The following WWOX variants were observed in gnomAD, a reference collection of about 807,000 sequenced individuals.
WWOX encodes WW domain containing oxidoreductase.
WWOX carries 69 observed loss-of-function variants against 46.2 expected under a neutral mutation model. The ratio of observed to expected loss-of-function variants is 1.49; its 90% CI spans 1.23 to 1.82. WWOX has a LOEUF of 1.82. Ranked by LOEUF, WWOX falls within the 40% of genes most tolerant of loss-of-function variation. WWOX has a pLI of 0.00. For synonymous variants in WWOX, 359 were observed against 202.6 expected (o/e 1.77, Z -6.56); for missense variants, 919 against 542.6 (o/e 1.69, Z -6.89).
chr16:78,734,479 G>A (rs936446368), intron 8 of WWOX, among the ~76,000 whole-genome samples: 17 of 152,144 alleles, frequency 1.1e-4, no homozygotes, highest in African/African-American at 4.1e-4. Context: ...CGGTCTGCGG[G>A]TTGACATTTC....
intron 8 of WWOX, among the ~76,000 whole-genome samples, chr16:78,614,079 T>G (rs1356168202): frequency 1.3e-5 from 2 of 152,204 alleles, no homozygotes; most frequent in Non-Finnish European, 2.9e-5. Flanking sequence ...CCTTGCATGT[T>G]GTGTCACCCC....
chr16:78,991,727 C>G (rs550390283), intron 8 of WWOX, among the ~76,000 whole-genome samples: 1 of 152,112 alleles, frequency 6.6e-6, no homozygotes, highest in Non-Finnish European at 1.5e-5. Flanking sequence ...AACCCCTCCT[C>G]GTGGTGATGT....
intron 8 of WWOX, among the ~76,000 whole-genome samples, chr16:78,444,733 T>C (rs1159159209): frequency 2.6e-5 from 4 of 151,976 alleles, no homozygotes; most frequent in Non-Finnish European, 5.9e-5. Flanking sequence ...GGTTTCACGG[T>C]GTTAGCCAGG....
intron 8 of WWOX, among the ~76,000 whole-genome samples, chr16:78,639,152 A>G (rs2046643891): frequency 6.6e-6 from 1 of 152,154 alleles, no homozygotes; most frequent in African/African-American, 2.4e-5. Context: ...AAAACTTGAA[A>G]CCAAAAGTCT....
At chr16:78,199,068 C>A (rs1022978045) in intron 5 of WWOX, among the ~76,000 whole-genome samples, 1 of 152,174 alleles carries the variant, frequency 6.6e-6, no homozygotes, top group African/African-American at 2.4e-5. Context: ...ATGCATCCCA[C>A]TTTGGGAGGC....
intron 8 of WWOX, among the ~76,000 whole-genome samples, chr16:79,034,985 T>C (rs1164258124): frequency 6.6e-6 from 1 of 152,234 alleles, no homozygotes; most frequent in Non-Finnish European, 1.5e-5. Flanking sequence ...GCAAAATCAT[T>C]GTCCTCTAAT....
intron 4 of WWOX, among the ~76,000 whole-genome samples, chr16:78,157,698 C>T (rs929098812): frequency 6.6e-6 from 1 of 152,176 alleles, no homozygotes; most frequent in Non-Finnish European, 1.5e-5. Flanking sequence ...AAATTGTGCT[C>T]CAGAGTCCAT....
chr16:78,646,427 A>G (rs527757472), intron 8 of WWOX, among the ~76,000 whole-genome samples: 2 of 151,992 alleles, frequency 1.3e-5, no homozygotes, highest in South Asian at 4.2e-4. Context: ...CGCAATTTAT[A>G]TATTTTAATT....
At chr16:78,165,193 C>G (rs923855833) in intron 5 of WWOX, among the ~76,000 whole-genome samples, 1 of 152,070 alleles carries the variant, frequency 6.6e-6, no homozygotes, top group Non-Finnish European at 1.5e-5. Context: ...GAGAGTGATG[C>G]GAGCTGTTTG....
At chr16:78,123,033 T>C (rs1373530482) in intron 4 of WWOX, among the ~76,000 whole-genome samples, 1 of 152,208 alleles carries the variant, frequency 6.6e-6, no homozygotes, top group Non-Finnish European at 1.5e-5. Flanking sequence ...TATAGTTCTG[T>C]TCCTCTCAGT....
chr16:78,483,942 C>A (rs1032380015), intron 8 of WWOX, among the ~76,000 whole-genome samples: 4 of 152,108 alleles, frequency 2.6e-5, no homozygotes, highest in Admixed American at 2.6e-4. Context: ...GAACACGTGG[C>A]CCCTAGTGTG....
intron 8 of WWOX, among the ~76,000 whole-genome samples, chr16:78,505,834 T>TAG (rs56938184): frequency 0.84 from 127,885 of 151,896 alleles, 56,254 homozygotes; most frequent in Non-Finnish European, 0.96. Flanking sequence ...TCTGATTCTG[T>TAG]AGAGAGAGTG....
chr16:78,268,512 A>T (rs540100336), intron 5 of WWOX, among the ~76,000 whole-genome samples: 2 of 152,304 alleles, frequency 1.3e-5, no homozygotes, highest in East Asian at 3.9e-4. Flanking sequence ...TTTGGAAGAC[A>T]TCGAGAGCAT....
chr16:79,004,366 A>T (rs981549956), intron 8 of WWOX: 40 of 152,234 alleles, frequency 2.6e-4, no homozygotes, highest in African/African-American at 8.9e-4. Flanking sequence ...CATGGCTGCC[A>T]GGAGGACTTG....
rs117201127 is a variant in WWOX at position 79,052,308 on chromosome 16, C to A, written c.1057-159300C>A. 1.5e-4 allele frequency among the ~76,000 whole-genome samples: 22 copies of A among 151,546 alleles called. 1 individual carries two copies. The highest frequency in any genetic ancestry group is 1.5e-3 in the Admixed American group (22 of 15,172). ...TGCGTTGTTTGGTGTTTTGTTCTTG[C>A]GATAGTTTACTGACAGTGATGATTT... is the stretch of plus-strand genomic sequence containing the variant. On this transcript the variant is annotated intron_variant, in intron 8 of 8. Coordinates refer to ENST00000566780, the MANE Select transcript of WWOX (RefSeq NM_016373.4).
Position 78,868,739 on chromosome 16 carries a change from C to G in WWOX, c.1057-342869C>G, listed in dbSNP as rs1567614780. On this transcript the variant is annotated intron_variant, in intron 8 of 8. Coordinates refer to ENST00000566780, the MANE Select transcript of WWOX (RefSeq NM_016373.4). ...AATGCTGATGAGCCATTCATAGGCTCTGGCTCACTATATATGTCTAAAATT... is the reference window on the plus strand; with the variant it reads ...AATGCTGATGAGCCATTCATAGGCTGTGGCTCACTATATATGTCTAAAATT... Among the ~76,000 whole-genome samples the G allele has an allele frequency of 4.6e-5, 7 of 152,298 alleles. No individual in the cohort carries two copies. In the South Asian group the frequency reaches 1.4e-3, roughly 32 times the overall value.
At chr16:78,701,294 C>G (rs1012476000) in intron 8 of WWOX, among the ~76,000 whole-genome samples, 1 of 152,116 alleles carries the variant, frequency 6.6e-6, no homozygotes, top group African/African-American at 2.4e-5. Context: ...CTGGGCTGAT[C>G]TCAAACTCCT....
At chr16:78,394,912 G>A (rs987068401) in intron 6 of WWOX, among the ~76,000 whole-genome samples, 1 of 152,182 alleles carries the variant, frequency 6.6e-6, no homozygotes, top group African/African-American at 2.4e-5. Context: ...TGGCTGTGTG[G>A]CTTTGGGCAA....
chr16:79,063,759 C>G (rs1275587476), intron 8 of WWOX, among the ~76,000 whole-genome samples: 1 of 152,102 alleles, frequency 6.6e-6, no homozygotes, highest in South Asian at 2.1e-4. Flanking sequence ...AAAAATAGCT[C>G]AAAATAAAAA....
Sources: allele counts gnomAD v4.1 joint callset (sites outside exome capture counted in the v4.1 genomes callset), GRCh38; gene constraint gnomAD v4.1.1; transcripts MANE v1.5; gene names NCBI Gene and HGNC (gene_info 2026-07-23, HGNC 2026-07-21).